NECTIN3: variants seen among roughly 807,000 people sequenced by gnomAD.
NECTIN3 encodes the protein nectin cell adhesion molecule 3, also known as nectin-3.
A neutral mutation model predicts 49.4 loss-of-function variants in NECTIN3; 8 were observed. That is an observed-to-expected ratio of 0.16 (90% CI 0.10 to 0.29). NECTIN3 has a LOEUF of 0.29. Among genes scored for constraint, NECTIN3 ranks in the 10% least tolerant of loss-of-function variants. The pLI is 1.00. For synonymous variants in NECTIN3, 277 were observed against 241.1 expected (o/e 1.15, Z -1.38); for missense variants, 581 against 654.6 (o/e 0.89, Z 1.23).
intron 1 of NECTIN3, chr3:111,193,243 C>T (rs145384426): frequency 6.5e-7 from 1 of 1,535,418 alleles, no homozygotes; most frequent in African/African-American, 1.4e-5. Context: ...GATGAGAATC[C>T]AGTTGGGGAA....
chr3:111,112,779 T>G (rs531656723), intron 2 of NECTIN3, among the ~76,000 whole-genome samples: 1 of 152,284 alleles, frequency 6.6e-6, no homozygotes, highest in African/African-American at 2.4e-5. Context: ...ACCTCATGTT[T>G]TACTATTTCA....
chr3:111,108,249 A>G (rs1382900466), intron 1 of NECTIN3, among the ~76,000 whole-genome samples: 3 of 149,720 alleles, frequency 2.0e-5, no homozygotes, highest in Non-Finnish European at 3.0e-5. Context: ...TGTAAATATC[A>G]ACTTTGTTCA....
intron 7 of NECTIN3, among the ~76,000 whole-genome samples, chr3:111,169,499 G>T (rs1054438122): frequency 6.8e-6 from 1 of 147,910 alleles, no homozygotes; most frequent in African/African-American, 2.5e-5. Context: ...AAATATTTTT[G>T]CCTGTTAAAT....
chr3:111,146,238 T>C (rs956336049), intron 6 of NECTIN3, among the ~76,000 whole-genome samples: 118 of 151,616 alleles, frequency 7.8e-4, no homozygotes, highest in Non-Finnish European at 4.6e-4. Context: ...ATCGAGACCA[T>C]CCCGGCTAAA....
chr3:111,111,898 CATGTGTGTGTGTGTGT>C, intron 1 of NECTIN3, 116 bp from the exon 2 acceptor site: 1 of 418,966 alleles, frequency 2.4e-6, no homozygotes, highest in Non-Finnish European at 4.0e-6. Context: ...TGTGTGTGTG[CATGTGTGTGTGTGTGT>C]GTGTGTGTGT....
intron 7 of NECTIN3, among the ~76,000 whole-genome samples, chr3:111,166,785 A>G (rs1024026800): frequency 6.6e-6 from 1 of 152,256 alleles, no homozygotes; most frequent in Admixed American, 6.5e-5. Flanking sequence ...CTTTGGCTAT[A>G]TCACAAGCCT....
intron 1 of NECTIN3, among the ~76,000 whole-genome samples, chr3:111,077,884 A>C (rs1576064869): frequency 6.6e-6 from 1 of 152,344 alleles, no homozygotes; most frequent in South Asian, 2.1e-4. Context: ...TAATAGAACT[A>C]TAATGCAAGC....
intron 7 of NECTIN3, among the ~76,000 whole-genome samples, chr3:111,173,718 C>T (rs1054492336): frequency 2.6e-5 from 4 of 152,144 alleles, no homozygotes; most frequent in African/African-American, 7.2e-5. Flanking sequence ...ATTATCCACA[C>T]GGCTATCCTT....
Position 111,104,396 on chromosome 3 carries a change from C to T in NECTIN3, c.161-7634C>T, listed in dbSNP as rs111610019. On this transcript the variant is annotated intron_variant, in intron 1 of 5. Coordinates refer to ENST00000485303, the MANE Select transcript of NECTIN3 (RefSeq NM_015480.3). Reference sequence around the variant, plus strand: ...AGTGCAGTGGCATGACTGGAGTTTACTGCAGCCTTGACCTTCTAGGCTCAA... The same window carrying T: ...AGTGCAGTGGCATGACTGGAGTTTATTGCAGCCTTGACCTTCTAGGCTCAA... 3.4e-3 allele frequency among the ~76,000 whole-genome samples: 472 copies of T among 139,478 alleles called. 4 individuals carry two copies. Among genetic ancestry groups the T allele is most frequent in the African/African-American group, 0.012 (444 of 37,542 alleles). 91.5% of individuals were successfully genotyped at this position (139,478 alleles called of 152,430 possible).
chr3:111,165,130 G>T (rs924208054), intron 7 of NECTIN3, among the ~76,000 whole-genome samples: 2 of 151,822 alleles, frequency 1.3e-5, no homozygotes, highest in Admixed American at 6.6e-5. Flanking sequence ...TGCAAGCTCC[G>T]CCTCCCAGGT....
At chr3:111,120,233 T>A (rs1420769179) in intron 3 of NECTIN3, among the ~76,000 whole-genome samples, 2 of 152,194 alleles carry the variant, frequency 1.3e-5, no homozygotes, top group Non-Finnish European at 2.9e-5. Flanking sequence ...ATGACTGATA[T>A]TTTCAATTTG....
intron 1 of NECTIN3, chr3:111,077,099 C>T: frequency 3.8e-6 from 1 of 264,734 alleles, no homozygotes; most frequent in South Asian, 4.4e-5. Context: ...TCCTATGAGT[C>T]TAGATATAGC....
Position 111,136,641 on chromosome 3 carries a change from A to G in NECTIN3, c.*2426A>G. 1 of 907,176 alleles carries G rather than the reference A, an allele frequency of 1.1e-6. No individual in the cohort carries two copies. Among genetic ancestry groups the G allele is most frequent in the Non-Finnish European group, 1.3e-6 (1 of 759,010 alleles). 56.2% of individuals were successfully genotyped at this position (907,176 alleles called of 1,614,324 possible). ...TTGAATACCAGTGATATTCATAACT[A>G]CTTGACAGGTATATATGAAAATTCT... is the stretch of plus-strand genomic sequence containing the variant. On this transcript the variant is annotated 3_prime_UTR_variant, in exon 6 of 6. Transcript: ENST00000485303.
chr3:111,180,210 A>T (rs2035602629), intron 7 of NECTIN3, among the ~76,000 whole-genome samples: 1 of 152,224 alleles, frequency 6.6e-6, no homozygotes. Flanking sequence ...TTAGCCTCAT[A>T]TTGAAAACCT....
At chr3:111,123,429 T>C (rs1351049) in intron 4 of NECTIN3, among the ~76,000 whole-genome samples, 120,720 of 152,054 alleles carry the variant, frequency 0.79, 51,171 homozygotes, top group Non-Finnish European at 0.93. Context: ...AGTGGATGCT[T>C]TCTCTGCAGT....
intron 2 of NECTIN3, among the ~76,000 whole-genome samples, chr3:111,116,264 T>G (rs2107458080): frequency 6.6e-6 from 1 of 152,262 alleles, no homozygotes; most frequent in East Asian, 1.9e-4. Flanking sequence ...GATATGAAAG[T>G]TTTTAAGAAA....
intron 1 of NECTIN3, among the ~76,000 whole-genome samples, chr3:111,082,980 G>C (rs2107368755): frequency 6.6e-6 from 1 of 152,228 alleles, no homozygotes; most frequent in Middle Eastern, 3.4e-3. Flanking sequence ...ATCTAATACT[G>C]CTGCTGATCT....
In NECTIN3 at chr3:111,134,640, T is replaced by C. The variant is rs1235351003; in HGVS notation, c.*425T>C. 31 of 877,870 alleles carry C rather than the reference T, an allele frequency of 3.5e-5. No homozygotes were observed. The highest frequency in any genetic ancestry group is 1.6e-5 in the Non-Finnish European group (12 of 732,302). The allele number at this position is 877,870 out of a possible 1,614,324, so 54.4% of individuals were successfully genotyped here. A position where few individuals can be genotyped will look rare whatever the true frequency, so the allele number is the denominator to read the frequency against. On this transcript the variant is annotated 3_prime_UTR_variant, in exon 6 of 6. Coordinates refer to ENST00000485303, the MANE Select transcript of NECTIN3 (RefSeq NM_015480.3). ...CCTCTCAAAATTTATCACCACTCAA[T>C]GACACTGCATCAAAATTGACTATAA...
intron 3 of NECTIN3, among the ~76,000 whole-genome samples, chr3:111,119,185 T>C (rs1459385776): frequency 6.6e-6 from 1 of 152,186 alleles, no homozygotes. Flanking sequence ...TTTAAGATCT[T>C]AAAAGTAGGC....
Sources: allele counts gnomAD v4.1 joint callset (sites outside exome capture counted in the v4.1 genomes callset), GRCh38; gene constraint gnomAD v4.1.1; transcripts MANE v1.5; gene names NCBI Gene and HGNC (gene_info 2026-07-23, HGNC 2026-07-21).